The following FAF1 variants were observed in gnomAD, a reference collection of about 807,000 sequenced individuals.
The protein encoded by FAF1 is Fas associated factor 1.
FAF1 carries 25 observed loss-of-function variants against 92.5 expected under a neutral mutation model. That is an observed-to-expected ratio of 0.27 (90% CI 0.20 to 0.38). The LOEUF is 0.38. Among genes scored for constraint, FAF1 ranks in the 10% least tolerant of loss-of-function variants. The pLI is 1.00. For synonymous variants in FAF1, 234 were observed against 273.2 expected (o/e 0.86, Z 1.42); for missense variants, 636 against 793.3 (o/e 0.80, Z 2.38).
At chr1:50,480,857 G>T (rs949282332) in intron 17 of FAF1, among the ~76,000 whole-genome samples, 6 of 152,186 alleles carry the variant, frequency 3.9e-5, no homozygotes, top group Admixed American at 3.9e-4. Context: ...CCAGAAGAAA[G>T]CATTGTTATA....
chr1:50,509,075 G>A (rs1309179768), intron 15 of FAF1, among the ~76,000 whole-genome samples: 3 of 151,928 alleles, frequency 2.0e-5, no homozygotes, highest in Non-Finnish European at 4.4e-5. Flanking sequence ...CAAAATTATA[G>A]AGGGAGGCCA....
chr1:50,713,283 T>C (rs959719223), intron 6 of FAF1, among the ~76,000 whole-genome samples: 4 of 143,112 alleles, frequency 2.8e-5, no homozygotes, highest in African/African-American at 1.1e-4. Context: ...TCTTTTTCTT[T>C]TGTTTTGAGA....
intron 1 of FAF1, among the ~76,000 whole-genome samples, chr1:50,866,916 T>A (rs1246937337): frequency 6.6e-6 from 1 of 152,096 alleles, no homozygotes; most frequent in Non-Finnish European, 1.5e-5. Context: ...TCTGGAGGCA[T>A]AACATTACCC....
At chr1:50,508,854 C>A in intron 15 of FAF1, among the ~76,000 whole-genome samples, 1 of 152,182 alleles carries the variant, frequency 6.6e-6, no homozygotes, top group East Asian at 1.9e-4. Flanking sequence ...GCATGAGCCA[C>A]CACACCCTGC....
intron 9 of FAF1, among the ~76,000 whole-genome samples, chr1:50,593,778 T>C (rs1651644439): frequency 6.6e-6 from 1 of 152,188 alleles, no homozygotes; most frequent in East Asian, 1.9e-4. Flanking sequence ...CACAGGATGA[T>C]TATAGACTAC....
chr1:50,800,740 T>C (rs1362029233), intron 3 of FAF1, among the ~76,000 whole-genome samples: 2 of 152,338 alleles, frequency 1.3e-5, no homozygotes, highest in African/African-American at 4.8e-5. Context: ...TTCCTGATGT[T>C]TCTGCAAGAG....
At chr1:50,705,125 T>C (rs756810686) in intron 7 of FAF1, among the ~76,000 whole-genome samples, 2 of 152,234 alleles carry the variant, frequency 1.3e-5, no homozygotes, top group South Asian at 2.1e-4. Flanking sequence ...TAGCCTTAAA[T>C]GTTCCCCCCA....
intron 1 of FAF1, among the ~76,000 whole-genome samples, chr1:50,861,592 T>C (rs1173707251): frequency 1.3e-5 from 2 of 151,836 alleles, no homozygotes; most frequent in Admixed American, 6.6e-5. Flanking sequence ...ATGCTACTTA[T>C]TGGGTACAGT....
intron 9 of FAF1, among the ~76,000 whole-genome samples, chr1:50,588,075 T>TC (rs1341552527): frequency 6.6e-6 from 1 of 151,976 alleles, no homozygotes; most frequent in Non-Finnish European, 1.5e-5. Context: ...TCACTTAAGG[T>TC]CAGGAGTTCG....
At chr1:50,539,021 T>C (rs1257730556) in intron 14 of FAF1, among the ~76,000 whole-genome samples, 1 of 152,210 alleles carries the variant, frequency 6.6e-6, no homozygotes, top group Non-Finnish European at 1.5e-5. Context: ...ACACCAACCC[T>C]TGGAGTGCAT....
intron 8 of FAF1, among the ~76,000 whole-genome samples, chr1:50,605,653 C>A (rs1009919912): frequency 1.3e-5 from 2 of 151,924 alleles, no homozygotes; most frequent in African/African-American, 2.4e-5. Context: ...AGCTTTATGC[C>A]ATTTAGTTGC....
intron 15 of FAF1, among the ~76,000 whole-genome samples, chr1:50,503,027 T>TG (rs1408855141): frequency 1.3e-5 from 2 of 152,084 alleles, no homozygotes; most frequent in East Asian, 1.9e-4. Context: ...TTTTTAGAGA[T>TG]GGGGTCTCGC....
At chr1:50,831,374 GAACA>G (rs1241311056) in intron 2 of FAF1, among the ~76,000 whole-genome samples, 1 of 152,120 alleles carries the variant, frequency 6.6e-6, no homozygotes, top group African/African-American at 2.4e-5. Context: ...GGCCCCTCCA[GAACA>G]AATATAGAAT....
At chr1:50,569,982 G>A (rs778232242) in intron 12 of FAF1, among the ~76,000 whole-genome samples, 1 of 152,162 alleles carries the variant, frequency 6.6e-6, no homozygotes, top group Non-Finnish European at 1.5e-5. Flanking sequence ...GACAGGCGAA[G>A]ATCAGGCACT....
chr1:50,686,444 G>A (rs1457715114), intron 7 of FAF1, among the ~76,000 whole-genome samples: 2 of 151,914 alleles, frequency 1.3e-5, no homozygotes, highest in Non-Finnish European at 2.9e-5. Flanking sequence ...CAGGAGGCTG[G>A]GGCAGGAGAA....
chr1:50,771,074 T>C (rs1660758736), intron 4 of FAF1, among the ~76,000 whole-genome samples: 1 of 152,188 alleles, frequency 6.6e-6, no homozygotes, highest in African/African-American at 2.4e-5. Context: ...ACTGGACCCC[T>C]TCCTTACAGC....
intron 1 of FAF1, among the ~76,000 whole-genome samples, chr1:50,914,241 A>G (rs1406770772): frequency 2.0e-5 from 3 of 152,226 alleles, no homozygotes; most frequent in African/African-American, 7.2e-5. Flanking sequence ...CAGTGTTTTA[A>G]AGTTAGATCT....
intron 7 of FAF1, among the ~76,000 whole-genome samples, chr1:50,702,266 C>T (rs964349838): frequency 1.3e-5 from 2 of 151,994 alleles, no homozygotes; most frequent in African/African-American, 4.8e-5. Flanking sequence ...TTTGTAACCA[C>T]AGATCTTTAA....
chr1:50,881,336 A>G (rs1453613121), intron 1 of FAF1, among the ~76,000 whole-genome samples: 1 of 152,148 alleles, frequency 6.6e-6, no homozygotes, highest in East Asian at 1.9e-4. Flanking sequence ...TATTTTTGGT[A>G]TTGTTCTTGT....
Sources: gnomAD v4.1 joint callset for allele counts (sites outside exome capture counted in the v4.1 genomes callset) on GRCh38, gnomAD v4.1.1 for gene constraint, MANE v1.5 for transcripts, NCBI Gene and HGNC (gene_info 2026-07-23, HGNC 2026-07-21) for gene names.